ULK4: variants seen among roughly 807,000 people sequenced by gnomAD.
ULK4 encodes the protein unc-51 like kinase 4.
In ULK4, 133 loss-of-function variants were observed where a neutral mutation model predicts 160.6. That is an observed-to-expected ratio of 0.83 (90% CI 0.72 to 0.96). The LOEUF (loss-of-function observed/expected upper bound fraction) is 0.96. ULK4 is among the 40% of genes least tolerant of loss of function. ULK4 has a pLI of 0.00. For synonymous variants in ULK4, 534 were observed against 539.8 expected, an observed-to-expected ratio of 0.99 and a Z score of 0.15; for missense variants, 1,580 against 1,499.5, an observed-to-expected ratio of 1.05 and a Z score of -0.89.
chr3:41,474,821 T>TAAAAAAA (rs34840621), intron 32 of ULK4, among the ~76,000 whole-genome samples: 4 of 140,854 alleles, frequency 2.8e-5, no homozygotes, highest in African/African-American at 5.3e-5. Flanking sequence ...TGATTATTAT[T>TAAAAAAA]AAAAAAAAAA....
chr3:41,422,162 T>TA (rs1485424755), intron 34 of ULK4, among the ~76,000 whole-genome samples: 1 of 152,162 alleles, frequency 6.6e-6, no homozygotes, highest in African/African-American at 2.4e-5. Flanking sequence ...TTATTTCTAA[T>TA]AAAGAAGTCT....
At chr3:41,950,791 A>C (rs1700266249) in intron 2 of ULK4, among the ~76,000 whole-genome samples, 1 of 152,168 alleles carries the variant, frequency 6.6e-6, no homozygotes, top group South Asian at 2.1e-4. Context: ...GGAATTAACC[A>C]AACAGGTGGA....
At chr3:41,827,840 C>A (rs2041419144) in intron 18 of ULK4, among the ~76,000 whole-genome samples, 1 of 151,914 alleles carries the variant, frequency 6.6e-6, no homozygotes, top group Non-Finnish European at 1.5e-5. Context: ...GGCAGAGACA[C>A]AACCAAAAAA....
intron 2 of ULK4, among the ~76,000 whole-genome samples, chr3:41,950,863 G>C (rs1371661342): frequency 6.6e-6 from 1 of 151,778 alleles, no homozygotes; most frequent in Non-Finnish European, 1.5e-5. Context: ...GACATAAATA[G>C]GCTGGGCACG....
rs774877349 is a variant in ULK4 at position 41,398,133 on chromosome 3, T to C, written c.3624A>G (p.Thr1208=). 19 of 1,613,378 alleles carry C rather than the reference T, an allele frequency of 1.2e-5. No individual in the cohort carries two copies. In the East Asian group the frequency reaches 2.2e-4, roughly 19 times the overall value. ...TCTGCTCCTTTGGGTCCTCCTTGGATGTCAGTAAATGAGCAAAAATTTCCA... is the reference window on the plus strand; with the variant it reads ...TCTGCTCCTTTGGGTCCTCCTTGGACGTCAGTAAATGAGCAAAAATTTCCA... ...ENVEIFAHLL[T]SKEDPKEQKL... Residue 1208 remains threonine, a synonymous_variant, in exon 35 of 37, where the codon ACA becomes ACG. Transcript: ENST00000301831.
chr3:41,368,047 C>G (rs550277368), intron 35 of ULK4, among the ~76,000 whole-genome samples: 1 of 151,212 alleles, frequency 6.6e-6, no homozygotes, highest in African/African-American at 2.4e-5. Context: ...CATTTTGTGT[C>G]GCAATTTTTT....
intron 20 of ULK4, among the ~76,000 whole-genome samples, chr3:41,790,621 C>T (rs1293533684): frequency 1.3e-5 from 2 of 152,120 alleles, no homozygotes; most frequent in African/African-American, 4.8e-5. Context: ...AAGATTCAAA[C>T]TTGAGAGAAT....
At chr3:41,901,880 CTTAAATACA>C (rs1296823782) in intron 12 of ULK4, among the ~76,000 whole-genome samples, 1 of 152,124 alleles carries the variant, frequency 6.6e-6, no homozygotes, top group Non-Finnish European at 1.5e-5. Flanking sequence ...AATTTTCAGA[CTTAAATACA>C]GACATGCTAC....
intron 30 of ULK4, among the ~76,000 whole-genome samples, chr3:41,625,074 T>G (rs1314715988): frequency 6.6e-6 from 1 of 152,194 alleles, no homozygotes; most frequent in African/African-American, 2.4e-5. Context: ...TGCAAACATT[T>G]ACAATTCTCT....
Position 41,954,692 on chromosome 3 carries a change from C to T in ULK4, c.68G>A (p.Arg23Gln), listed in dbSNP as rs755086522. 6.8e-6 allele frequency: 11 copies of T among 1,613,828 alleles called. No individual in the cohort carries two copies. Among genetic ancestry groups the T allele is most frequent in the South Asian group, 6.6e-5 (6 of 91,072 alleles). ...GGCTACAAAATTGATTGTTCCCTTC[C>T]GTCGCCCTTTATAGACAACAGTCTT... is the stretch of plus-strand genomic sequence containing the variant. Reference protein sequence around the residue: ...GSKTVVYKGRRKGTINFVAIL... With the variant: ...GSKTVVYKGRQKGTINFVAIL... Residue 23 changes from arginine to glutamine, a missense_variant, in exon 2 of 37, where the codon CGG (arginine) becomes CAG (glutamine). Transcript: ENST00000301831.
At chr3:41,384,962 A>T (rs2081768772) in intron 35 of ULK4, among the ~76,000 whole-genome samples, 1 of 152,094 alleles carries the variant, frequency 6.6e-6, no homozygotes, top group Non-Finnish European at 1.5e-5. Context: ...GGCTGAGGTG[A>T]GATAATCAAT....
chr3:41,594,039 T>C (rs974796866), intron 31 of ULK4, among the ~76,000 whole-genome samples: 4 of 151,268 alleles, frequency 2.6e-5, no homozygotes, highest in Non-Finnish European at 1.5e-5. Flanking sequence ...AGCCAGACTG[T>C]GTCGAAAGAG....
In ULK4 at chr3:41,369,858, A is replaced by G. The variant is rs1203215807; in HGVS notation, c.3678+28221T>C. 2.6e-5 allele frequency among the ~76,000 whole-genome samples: 4 copies of G among 152,096 alleles called. No individual in the cohort carries two copies. The East Asian group carries it at 5.8e-4, about 22-fold the overall frequency. ...CTCTGTCACATACAACAGTCAGAAAACAATACTTTGTGTACTGAATTAAAA... is the reference window on the plus strand; with the variant it reads ...CTCTGTCACATACAACAGTCAGAAAGCAATACTTTGTGTACTGAATTAAAA... On this transcript the variant is annotated intron_variant, in intron 35 of 36. Transcript: ENST00000301831.
At chr3:41,487,927 C>A (rs901773970) in intron 32 of ULK4, among the ~76,000 whole-genome samples, 1 of 151,892 alleles carries the variant, frequency 6.6e-6, no homozygotes, top group African/African-American at 2.4e-5. Context: ...AAGACAAATA[C>A]CCCAGTTACC....
intron 22 of ULK4, among the ~76,000 whole-genome samples, chr3:41,751,044 G>A (rs1246787379): frequency 7.1e-6 from 1 of 140,896 alleles, no homozygotes; most frequent in Non-Finnish European, 1.5e-5. Flanking sequence ...GAAGGAGGGA[G>A]GGTGGGCGGG....
At chr3:41,590,825 T>A (rs143205955) in intron 31 of ULK4, among the ~76,000 whole-genome samples, 125 of 148,162 alleles carry the variant, frequency 8.4e-4, no homozygotes, top group African/African-American at 2.9e-3. Flanking sequence ...AGAGGCTCAG[T>A]GTCTTATGGG....
At chr3:41,371,727 G>C (rs1414766350) in intron 35 of ULK4, among the ~76,000 whole-genome samples, 2 of 152,014 alleles carry the variant, frequency 1.3e-5, no homozygotes, top group African/African-American at 2.4e-5. Context: ...CCAAAAACCA[G>C]AATGCCTATT....
chr3:41,742,280 T>C (rs1214386545), intron 22 of ULK4, among the ~76,000 whole-genome samples: 2 of 151,994 alleles, frequency 1.3e-5, no homozygotes, highest in African/African-American at 2.4e-5. Context: ...CCAATTCCCC[T>C]GGAGGGGTAG....
intron 18 of ULK4, among the ~76,000 whole-genome samples, chr3:41,822,952 G>A (rs1442447071): frequency 6.6e-6 from 1 of 151,442 alleles, no homozygotes; most frequent in Non-Finnish European, 1.5e-5. Flanking sequence ...TCGATCTCTT[G>A]ACCTCATGAT....
Sources: gnomAD v4.1 joint callset for allele counts (sites outside exome capture counted in the v4.1 genomes callset) on GRCh38, gnomAD v4.1.1 for gene constraint, MANE v1.5 for transcripts, NCBI Gene and HGNC (gene_info 2026-07-23, HGNC 2026-07-21) for gene names.